ATP7A: variants seen among roughly 807,000 people sequenced by gnomAD.
ATP7A encodes copper-transporting ATPase 1.
In ATP7A, 7 loss-of-function variants were observed where a neutral mutation model predicts 83.5. That is an observed-to-expected ratio of 0.08 (90% CI 0.05 to 0.16). The LOEUF (loss-of-function observed/expected upper bound fraction) is 0.16. ATP7A is among the 10% of genes least tolerant of loss of function. The probability of loss-of-function intolerance (pLI) is 1.00; values close to 1 mark genes in which losing one functional copy is unlikely to be tolerated. For missense variants in ATP7A, 940 were observed against 1,120.8 expected (o/e 0.84, Z 2.30); for synonymous variants, 354 against 395.2 (o/e 0.90, Z 1.24).
chrX:78,031,249 G>A (rs1242156726), intron 15 of ATP7A, 151 bp from the exon 16 acceptor site: 8 of 521,363 alleles, frequency 1.5e-5, no homozygotes, highest in South Asian at 9.2e-5. Flanking sequence ...TTATTTTCCC[G>A]AAGACCATCA....
chrX:77,988,883 T>C (rs2077653875), intron 3 of ATP7A, 152 bp downstream of exon 3: 1 of 821,564 alleles, frequency 1.2e-6, no homozygotes, highest in East Asian at 3.2e-5. Context: ...GGATTAAAAG[T>C]TAATGATTAT....
chrX:77,996,907 C>T (rs1192200416), intron 4 of ATP7A, among the ~76,000 whole-genome samples: 1 of 110,217 alleles, frequency 9.1e-6, no homozygotes, highest in East Asian at 2.8e-4. Context: ...TTTGGCTACT[C>T]AGCCTCCTTT....
chrX:78,034,687 A>G (rs2078002174), intron 17 of ATP7A, among the ~76,000 whole-genome samples: 1 of 110,343 alleles, frequency 9.1e-6, no homozygotes. Flanking sequence ...CTTCCTTCCT[A>G]AAGGATGATT....
intron 1 of ATP7A, among the ~76,000 whole-genome samples, chrX:77,930,303 C>T (rs1233558550): frequency 9.0e-6 from 1 of 111,731 alleles, no homozygotes; most frequent in Non-Finnish European, 1.9e-5. Flanking sequence ...CTCTGAGCTC[C>T]TGGACAGTGG....
At chrX:78,010,826 A>G (rs782466617) in intron 7 of ATP7A, among the ~76,000 whole-genome samples, 47 of 109,811 alleles carry the variant, frequency 4.3e-4, no homozygotes, top group African/African-American at 1.4e-3. Flanking sequence ...TGATTTGCCC[A>G]CCTTGGCCTC....
intron 3 of ATP7A, 94 bp downstream of exon 3, chrX:77,988,825 C>A: frequency 9.4e-7 from 1 of 1,060,108 alleles, no homozygotes; most frequent in South Asian, 1.9e-5. Flanking sequence ...GTTTTGAATC[C>A]ATGAGACTAG....
At chrX:77,996,185 C>A (rs2077704002) in intron 4 of ATP7A, among the ~76,000 whole-genome samples, 1 of 111,960 alleles carries the variant, frequency 8.9e-6, no homozygotes, top group Non-Finnish European at 1.9e-5. Context: ...GATAGATATA[C>A]ATTTATATAT....
chrX:77,932,633 C>G (rs782792710), intron 1 of ATP7A, among the ~76,000 whole-genome samples: 67 of 112,852 alleles, frequency 5.9e-4, no homozygotes, highest in African/African-American at 1.9e-3. Flanking sequence ...CTGAGTGAAC[C>G]AGACTCCGTC....
chrX:77,984,392 A>G (rs1013731098), intron 2 of ATP7A, among the ~76,000 whole-genome samples: 20 of 109,242 alleles, frequency 1.8e-4, no homozygotes, highest in African/African-American at 6.7e-4. Flanking sequence ...CAGTGGTGCA[A>G]TGTCGGCTCA....
At chrX:77,968,078 G>A (rs1379771599) in intron 1 of ATP7A, among the ~76,000 whole-genome samples, 4 of 110,860 alleles carry the variant, frequency 3.6e-5, no homozygotes, top group South Asian at 7.7e-4. Context: ...TCAGAAATCA[G>A]TGAAAGACAC....
At chrX:78,019,719 C>T (rs2077892651) in intron 12 of ATP7A, among the ~76,000 whole-genome samples, 1 of 110,968 alleles carries the variant, frequency 9.0e-6, no homozygotes, top group African/African-American at 3.3e-5. Context: ...CTGCCTCAGC[C>T]TCCCAAAGTG....
chrX:77,927,775 T>C lies in ATP7A; in HGVS notation c.-22+16940T>C, dbSNP rs782078827. Among the ~76,000 whole-genome samples, 4 of 110,878 alleles carry C rather than the reference T, an allele frequency of 3.6e-5. No homozygotes were observed. In the South Asian group the frequency reaches 1.5e-3, roughly 42 times the overall value. ...ACATTAGGTATATCTCCTAATGCTA[T>C]CCCTCCCCCCATCCCACAACAGGCC... On this transcript the variant is annotated intron_variant, in intron 1 of 22. Transcript: ENST00000341514.
At chrX:77,966,926 C>T (rs959278294) in intron 1 of ATP7A, 8 of 290,678 alleles carry the variant, frequency 2.8e-5, no homozygotes, top group South Asian at 9.3e-5. Flanking sequence ...CAGCAGGCTC[C>T]GGTGTGTGAT....
At chrX:77,981,106 C>T (rs1169142011) in intron 2 of ATP7A, among the ~76,000 whole-genome samples, 1 of 111,897 alleles carries the variant, frequency 8.9e-6, no homozygotes, top group Non-Finnish European at 1.9e-5. Flanking sequence ...TATTGTTCCA[C>T]ATCAATATAC....
At chrX:77,978,241 T>C (rs1436523833) in intron 2 of ATP7A, among the ~76,000 whole-genome samples, 1 of 110,898 alleles carries the variant, frequency 9.0e-6, no homozygotes, top group Non-Finnish European at 1.9e-5. Context: ...GTTGGGGATA[T>C]GTTTAGTTTG....
chrX:77,968,088 C>CA (rs782304969), intron 1 of ATP7A, among the ~76,000 whole-genome samples: 1 of 110,679 alleles, frequency 9.0e-6, no homozygotes, highest in East Asian at 2.8e-4. Context: ...GTGAAAGACA[C>CA]ACTTGGACAG....
rs782063386 is a variant in ATP7A at position 77,989,951 on chromosome X, C to T, written c.1329C>T (p.Thr443=). The T allele has an allele frequency of 1.7e-6, 2 of 1,211,167 alleles. No individual in the cohort carries two copies. Among genetic ancestry groups the T allele is most frequent in the Non-Finnish European group, 2.2e-6 (2 of 895,200 alleles). Residue 443 remains threonine (T), a synonymous_variant, in exon 4 of 23, where the codon ACC becomes ACT. Transcript: ENST00000341514. ...GAIEDMGFDA[T]LSDTNEPLVV... is the part of the protein sequence containing the mutation. ...TAGAAGACATGGGATTTGATGCTAC[C>T]TTGTCAGGTAATTATCATTTTTTCT...
intron 20 of ATP7A, 54 bp from the exon 21 acceptor site, chrX:78,043,263 G>T: frequency 1.1e-6 from 1 of 872,100 alleles, no homozygotes; most frequent in Non-Finnish European, 1.7e-6. Flanking sequence ...AAATGTAAAA[G>T]TTACTGGTTA....
intron 1 of ATP7A, among the ~76,000 whole-genome samples, chrX:77,957,897 T>G (rs1038623337): frequency 9.0e-6 from 1 of 111,149 alleles, no homozygotes; most frequent in African/African-American, 3.3e-5. Context: ...GAGCAGTGTG[T>G]GTTTGTTATG....
Sources: allele counts gnomAD v4.1 joint callset (sites outside exome capture counted in the v4.1 genomes callset), GRCh38; gene constraint gnomAD v4.1.1; transcripts MANE v1.5; gene names NCBI Gene and HGNC (gene_info 2026-07-23, HGNC 2026-07-21).